Variants in HOOK1 observed in about 807,000 individuals in gnomAD.
HOOK1 encodes the protein protein Hook homolog 1.
Under a neutral mutation model 112.8 loss-of-function variants are expected in HOOK1, and 60 were observed. That is an observed-to-expected ratio of 0.53 (90% CI 0.43 to 0.66). HOOK1 has a LOEUF of 0.66. Ranked by LOEUF, HOOK1 falls within the 30% of genes least tolerant of loss-of-function variation. The probability of loss-of-function intolerance (pLI) is 0.00; values close to 1 mark genes in which losing one functional copy is unlikely to be tolerated. For synonymous variants in HOOK1, 294 were observed against 283.8 expected (o/e 1.04, Z -0.36); for missense variants, 770 against 856.0 (o/e 0.90, Z 1.25).
At chr1:59,823,188 C>T (rs564733022) in intron 2 of HOOK1, among the ~76,000 whole-genome samples, 45 of 152,020 alleles carry the variant, frequency 3.0e-4, no homozygotes, top group Non-Finnish European at 5.3e-4. Context: ...GGCATGGTGG[C>T]GGGCGCCTGT....
intron 5 of HOOK1, among the ~76,000 whole-genome samples, chr1:59,834,344 C>T (rs1359767878): frequency 6.6e-6 from 1 of 152,108 alleles, no homozygotes; most frequent in Non-Finnish European, 1.5e-5. Flanking sequence ...GATAAATTTA[C>T]CTACAAACTC....
At chr1:59,837,505 A>G (rs1436376323) in intron 7 of HOOK1, among the ~76,000 whole-genome samples, 1 of 152,182 alleles carries the variant, frequency 6.6e-6, no homozygotes, top group African/African-American at 2.4e-5. Flanking sequence ...TTTCAAAAGA[A>G]AATGTTTAAA....
Position 59,832,209 on chromosome 1 carries a change from A to C in HOOK1, c.269A>C (p.His90Pro). Residue 90 changes from histidine (H) to proline (P), a missense_variant, in exon 4 of 22, where the codon CAT (histidine) becomes CCT (proline). This residue lies in a region of HOOK1 where 655 missense variants were observed against 725.9 expected (regional missense o/e 0.90). Coordinates refer to ENST00000371208, the MANE Select transcript of HOOK1 (RefSeq NM_015888.6). ...KVLQGIMSYYHEFLGQQISEA... is the reference protein window; with the variant it reads ...KVLQGIMSYYPEFLGQQISEA... ...CTTCAAGGAATTATGAGTTATTATCATGAGGTATGAAAACCATCTGACTTT... is the reference window on the plus strand; with the variant it reads ...CTTCAAGGAATTATGAGTTATTATCCTGAGGTATGAAAACCATCTGACTTT... 1 of 1,556,940 alleles carries C rather than the reference A, an allele frequency of 6.4e-7. No homozygotes were observed. The highest frequency in any genetic ancestry group is 8.7e-7 in the Non-Finnish European group (1 of 1,144,068).
intron 8 of HOOK1, among the ~76,000 whole-genome samples, chr1:59,841,291 T>G (rs2098400895): frequency 6.6e-6 from 1 of 152,160 alleles, no homozygotes; most frequent in Admixed American, 6.6e-5. Context: ...GCTAAATTTG[T>G]AGTTGATTCT....
At chr1:59,868,017 G>A (rs1015714259) in intron 19 of HOOK1, among the ~76,000 whole-genome samples, 1 of 152,074 alleles carries the variant, frequency 6.6e-6, no homozygotes, top group Non-Finnish European at 1.5e-5. Context: ...AGGGAAATTT[G>A]TTTTTGGAAT....
intron 12 of HOOK1, among the ~76,000 whole-genome samples, chr1:59,851,351 A>G (rs2102049504): frequency 6.6e-6 from 1 of 151,688 alleles, no homozygotes; most frequent in South Asian, 2.1e-4. Flanking sequence ...TCTTTCAACA[A>G]TGTTTTGTAG....
At position 59,849,164 on chromosome 1, in the gene HOOK1, C is replaced by G; in HGVS notation, c.1223C>G (p.Ala408Gly). Reference sequence around the variant, plus strand: ...AAGCGGCTTGAAGAAAAACATGAAGCTTTACTTAAGGAAAAAGAGGTAAAC... The same window carrying G: ...AAGCGGCTTGAAGAAAAACATGAAGGTTTACTTAAGGAAAAAGAGGTAAAC... ...EMKRLEEKHE[A>G]LLKEKERLIE... The change falls in exon 12 of 22, where the codon GCT (alanine) becomes GGT (glycine). Residue 408 changes from alanine to glycine, a missense_variant. Transcript: ENST00000371208. 1.2e-6 allele frequency: 2 copies of G among 1,605,706 alleles called. No individual in the cohort carries two copies. The highest frequency in any genetic ancestry group is 1.7e-6 in the Non-Finnish European group (2 of 1,173,938).
chr1:59,835,314 T>A (rs767384947), intron 5 of HOOK1, 31 bp from the exon 6 acceptor site: 44 of 1,281,298 alleles, frequency 3.4e-5, no homozygotes, highest in Non-Finnish European at 4.9e-5. Context: ...AAGAGTAGAT[T>A]TTTTTCAGAT....
rs2098379903 is a variant in HOOK1, at chr1:59,814,959, A to G, written c.-159A>G. On this transcript the variant is annotated 5_prime_UTR_variant, in exon 1 of 22. Transcript: ENST00000371208. ...GCGGGTGAGGAGGGGGTGACGCCGGACGCGTCGACAGCGCGAGGGTTCGCG... is the reference window on the plus strand; with the variant it reads ...GCGGGTGAGGAGGGGGTGACGCCGGGCGCGTCGACAGCGCGAGGGTTCGCG... The G allele has an allele frequency of 1.5e-6, 1 of 660,642 alleles. No individual in the cohort carries two copies. Among genetic ancestry groups the G allele is most frequent in the Non-Finnish European group, 2.5e-6 (1 of 393,606 alleles). 40.9% of individuals were successfully genotyped at this position (660,642 alleles called of 1,614,324 possible).
At position 59,862,773 on chromosome 1, in the gene HOOK1, T is replaced by A; in HGVS notation, c.1533-11T>A. 1 of 1,571,536 alleles carries A rather than the reference T, an allele frequency of 6.4e-7. No individual in the cohort carries two copies. Among genetic ancestry groups the A allele is most frequent in the East Asian group, 2.2e-5 (1 of 44,598 alleles). On this transcript the variant is annotated splice_polypyrimidine_tract_variant and intron_variant, in intron 15 of 21. Coordinates refer to ENST00000371208, the MANE Select transcript of HOOK1 (RefSeq NM_015888.6). ...AATACAAGTAAATGCTTATGACCCA[T>A]CTTACAATAGGCTGAGCAAAGAGCG...
At chr1:59,823,964 T>A (rs1178864954) in intron 2 of HOOK1, among the ~76,000 whole-genome samples, 2 of 152,224 alleles carry the variant, frequency 1.3e-5, no homozygotes, top group East Asian at 3.9e-4. Flanking sequence ...GTTCTCTCTT[T>A]GCTTCATTCA....
Position 59,859,057 on chromosome 1 carries a change from T to C in HOOK1, c.1391+12T>C. On this transcript the variant is annotated intron_variant, in intron 14 of 21. Coordinates refer to ENST00000371208, the MANE Select transcript of HOOK1 (RefSeq NM_015888.6). ...CCAGTGGAATATAGGTAAATTTGTTTCATAATTTGATAGAATTATATTTAA... is the reference window on the plus strand; with the variant it reads ...CCAGTGGAATATAGGTAAATTTGTTCCATAATTTGATAGAATTATATTTAA... 2 of 1,383,952 alleles carry C rather than the reference T, an allele frequency of 1.4e-6. No homozygotes were observed. Among genetic ancestry groups the C allele is most frequent in the Non-Finnish European group, 2.0e-6 (2 of 1,021,398 alleles). The allele number at this position is 1,383,952 out of a possible 1,614,324, so 85.7% of individuals were successfully genotyped here.
chr1:59,875,099 G>A lies in HOOK1; in HGVS notation c.*2134G>A, dbSNP rs750959056. Reference sequence around the variant, plus strand: ...GGCATTTTGACATATTTTAGTCAGCGAAGACATCTGCCCCTTTGGTGTTTC... The same window carrying A: ...GGCATTTTGACATATTTTAGTCAGCAAAGACATCTGCCCCTTTGGTGTTTC... On this transcript the variant is annotated 3_prime_UTR_variant, in exon 22 of 22. Transcript: ENST00000371208. The A allele has an allele frequency of 5.9e-5, 9 of 152,604 alleles. No homozygotes were observed. The highest frequency in any genetic ancestry group is 3.9e-4 in the East Asian group (2 of 5,178). 9.5% of individuals were successfully genotyped at this position (152,604 alleles called of 1,614,324 possible).
chr1:59,839,902 G>C (rs969854582), intron 7 of HOOK1, among the ~76,000 whole-genome samples: 1 of 152,092 alleles, frequency 6.6e-6, no homozygotes, highest in African/African-American at 2.4e-5. Context: ...AGCATGAAAG[G>C]CTGTTGAATT....
In HOOK1 at chr1:59,873,342, A is replaced by T. The variant is rs1644087213; in HGVS notation, c.*377A>T. Reference sequence around the variant, plus strand: ...CAGTAATACTTAATCTTAGAACATTAATTGGATTTGTTTAATCTTTTTTTG... The same window carrying T: ...CAGTAATACTTAATCTTAGAACATTTATTGGATTTGTTTAATCTTTTTTTG... On this transcript the variant is annotated 3_prime_UTR_variant, in exon 22 of 22. Transcript: ENST00000371208. The T allele has an allele frequency of 6.4e-6, 1 of 155,620 alleles. No homozygotes were observed. The highest frequency in any genetic ancestry group is 1.4e-5 in the Non-Finnish European group (1 of 70,396). 9.6% of individuals were successfully genotyped at this position (155,620 alleles called of 1,614,324 possible). A position where few individuals can be genotyped will look rare whatever the true frequency, so the allele number is the denominator to read the frequency against.
intron 5 of HOOK1, among the ~76,000 whole-genome samples, chr1:59,834,796 C>A (rs1378587129): frequency 6.6e-6 from 1 of 151,770 alleles, no homozygotes; most frequent in Non-Finnish European, 1.5e-5. Context: ...TTTTAAAGAG[C>A]CAACTTTTGG....
rs866833407 is a variant in HOOK1, at chr1:59,839,684, T to C, written c.538-624T>C. 9.2e-5 allele frequency among the ~76,000 whole-genome samples: 14 copies of C among 152,266 alleles called. No individual in the cohort carries two copies. The Middle Eastern group carries it at 0.01, about 111-fold the overall frequency. On this transcript the variant is annotated intron_variant, in intron 7 of 21. Transcript: ENST00000371208. ...TTCCTATTTGAATAGGCTTTATTGC[T>C]TTCTCTTGCCTGATTGCCCTGGCCA...
At chr1:59,837,036 TTTC>T in intron 7 of HOOK1, 101 bp downstream of exon 7, 1 of 708,924 alleles carries the variant, frequency 1.4e-6, no homozygotes. Context: ...ACAATAATAT[TTTC>T]TTCTGTGAAA....
At position 59,835,609 on chromosome 1, in the gene HOOK1, T is replaced by G. The variant is rs547034094; in HGVS notation, c.474+197T>G. On this transcript the variant is annotated intron_variant, in intron 6 of 21. Coordinates refer to ENST00000371208, the MANE Select transcript of HOOK1 (RefSeq NM_015888.6). Reference sequence around the variant, plus strand: ...GCCCAATTTTAGTACCTCTGCATTTTAAAAGCTGGTTAATAAATTAATATT... The same window carrying G: ...GCCCAATTTTAGTACCTCTGCATTTGAAAAGCTGGTTAATAAATTAATATT... Among the ~76,000 whole-genome samples the G allele has an allele frequency of 2.6e-5, 4 of 152,322 alleles. No individual in the cohort carries two copies. The East Asian group carries it at 7.7e-4, about 29-fold the overall frequency.
Sources: gnomAD v4.1 joint callset for allele counts (sites outside exome capture counted in the v4.1 genomes callset) on GRCh38, gnomAD v4.1.1 for gene constraint, gnomAD v4.1.1 regional missense constraint, MANE v1.5 for transcripts, NCBI Gene and HGNC (gene_info 2026-07-23, HGNC 2026-07-21) for gene names.